The following RNF144A variants were observed in gnomAD, a reference collection of about 807,000 sequenced individuals.
RNF144A encodes the protein ring finger protein 144A, also known as E3 ubiquitin-protein ligase RNF144A.
In RNF144A, 11 loss-of-function variants were observed where a neutral mutation model predicts 38.7. The observed-to-expected ratio is 0.28, with a 90% CI of 0.18 to 0.47. RNF144A has a LOEUF of 0.47. Among genes scored for constraint, RNF144A ranks in the 20% least tolerant of loss-of-function variants. The probability of loss-of-function intolerance (pLI) is 0.99; values close to 1 mark genes in which losing one functional copy is unlikely to be tolerated. For missense variants in RNF144A, 316 were observed against 377.2 expected (o/e 0.84, Z 1.34); for synonymous variants, 149 against 143.9 (o/e 1.04, Z -0.25).
chr2:6,938,325 G>A (rs1354589977), intron 1 of RNF144A, among the ~76,000 whole-genome samples: 1 of 139,474 alleles, frequency 7.2e-6, no homozygotes, highest in East Asian at 2.2e-4. Flanking sequence ...TTGGCTCACT[G>A]CAACCTCTGC....
chr2:6,997,182 T>TTGAG, intron 3 of RNF144A, 121 bp downstream of exon 3: 1 of 895,912 alleles, frequency 1.1e-6, no homozygotes, highest in Non-Finnish European at 1.8e-6. Context: ...AGTCTTCTTG[T>TTGAG]TGAGGCCTTC....
chr2:6,932,764 A>G (rs1410860924), intron 1 of RNF144A, among the ~76,000 whole-genome samples: 2 of 152,232 alleles, frequency 1.3e-5, no homozygotes, highest in Non-Finnish European at 2.9e-5. Flanking sequence ...TTTTATCACA[A>G]TAAGAGAATT....
intron 1 of RNF144A, among the ~76,000 whole-genome samples, chr2:6,936,795 G>A (rs1341945507): frequency 1.3e-5 from 2 of 151,500 alleles, no homozygotes; most frequent in African/African-American, 4.9e-5. Flanking sequence ...GAAATGAGAA[G>A]CCTCATCCTA....
At chr2:6,971,344 G>C (rs1251501951) in intron 2 of RNF144A, among the ~76,000 whole-genome samples, 3 of 152,172 alleles carry the variant, frequency 2.0e-5, no homozygotes, top group Non-Finnish European at 4.4e-5. Flanking sequence ...CCAGGGTGTG[G>C]GGTCCCAGTG....
At chr2:6,923,826 C>G (rs544834583) in intron 1 of RNF144A, among the ~76,000 whole-genome samples, 1 of 151,124 alleles carries the variant, frequency 6.6e-6, no homozygotes, top group South Asian at 2.1e-4. Flanking sequence ...CCTGTAGTTG[C>G]GTTTAAAACT....
At chr2:6,928,796 T>C (rs720388) in intron 1 of RNF144A, among the ~76,000 whole-genome samples, 125,307 of 152,190 alleles carry the variant, frequency 0.82, 52,584 homozygotes, top group Non-Finnish European at 0.92. Context: ...AGGGCTTCCC[T>C]GTGAACTTCC....
downstream of RNF144A, among the ~76,000 whole-genome samples, chr2:7,070,156 T>TTCTCTCTC (rs143933026): frequency 2.5e-4 from 38 of 151,402 alleles, no homozygotes; most frequent in East Asian, 3.1e-3. Flanking sequence ...GGAGCTTTTC[T>TTCTCTCTC]TCTCTCTCTC....
At chr2:7,015,561 A>C (rs1266356900) in intron 5 of RNF144A, among the ~76,000 whole-genome samples, 1 of 152,246 alleles carries the variant, frequency 6.6e-6, no homozygotes, top group East Asian at 1.9e-4. Context: ...ATTGCAAAGC[A>C]TTAAGCCATG....
chr2:6,973,837 G>A (rs890252075), intron 2 of RNF144A, among the ~76,000 whole-genome samples: 59 of 152,218 alleles, frequency 3.9e-4, no homozygotes, highest in African/African-American at 1.2e-3. Flanking sequence ...CTTACGTGCC[G>A]TCTCTGGCTG....
At chr2:6,931,226 G>A (rs1409866396) in intron 1 of RNF144A, among the ~76,000 whole-genome samples, 2 of 152,218 alleles carry the variant, frequency 1.3e-5, no homozygotes, top group Non-Finnish European at 2.9e-5. Context: ...AAGACTTCAG[G>A]CCCCACTGGA....
intron 1 of RNF144A, among the ~76,000 whole-genome samples, chr2:6,937,806 A>G (rs1451275820): frequency 6.6e-6 from 1 of 152,124 alleles, no homozygotes; most frequent in Non-Finnish European, 1.5e-5. Flanking sequence ...TAAAGGCTTT[A>G]GCTTGAGCAG....
At chr2:6,989,075 G>A (rs1282735252) in intron 2 of RNF144A, among the ~76,000 whole-genome samples, 2 of 152,172 alleles carry the variant, frequency 1.3e-5, no homozygotes, top group Admixed American at 6.5e-5. Flanking sequence ...GGAACATTGT[G>A]TTAGAATCAA....
intron 1 of RNF144A, among the ~76,000 whole-genome samples, chr2:6,919,629 C>T (rs537217636): frequency 2.0e-5 from 3 of 152,048 alleles, no homozygotes; most frequent in Admixed American, 6.5e-5. Context: ...CTGTGGCTTC[C>T]GAGTCAGACC....
Position 7,050,332 on chromosome 2 carries a change from C to T in RNF144A, c.735-17884C>T, listed in dbSNP as rs1026759076. ...CCCCTACGCAAGCTCTCTTGCCTGC[C>T]GCCAAGTAAGACATGACTTTGCTCC... On this transcript the variant is annotated intron_variant, in intron 6 of 6. Transcript: ENST00000432850. 4.5e-4 allele frequency among the ~76,000 whole-genome samples: 69 copies of T among 152,206 alleles called. 2 individuals carry two copies. Among genetic ancestry groups the T allele is most frequent in the Admixed American group, 3.3e-3 (51 of 15,278 alleles).
At chr2:6,960,298 T>C (rs2103328318) in intron 2 of RNF144A, among the ~76,000 whole-genome samples, 1 of 152,294 alleles carries the variant, frequency 6.6e-6, no homozygotes, top group East Asian at 1.9e-4. Context: ...ACCTTTGAGG[T>C]TCCCAGATCA....
At chr2:6,939,252 A>G (rs1081492) in intron 1 of RNF144A, among the ~76,000 whole-genome samples, 27,752 of 152,168 alleles carry the variant, frequency 0.18, 3,162 homozygotes, top group Non-Finnish European at 0.24. Context: ...ACTTGTTATT[A>G]TCTGTCCTTC....
intron 1 of RNF144A, among the ~76,000 whole-genome samples, chr2:6,937,549 G>GA (rs1038698395): frequency 3.4e-4 from 52 of 152,334 alleles, no homozygotes; most frequent in African/African-American, 1.2e-3. Context: ...TCTTACCTGG[G>GA]AAAAATGGCA....
At chr2:6,920,687 A>G (rs1164907113) in intron 1 of RNF144A, among the ~76,000 whole-genome samples, 2 of 152,248 alleles carry the variant, frequency 1.3e-5, no homozygotes, top group Non-Finnish European at 2.9e-5. Flanking sequence ...AGATCGAAGA[A>G]TGAAGTTGGA....
At chr2:6,935,147 C>T (rs1276773327) in intron 1 of RNF144A, among the ~76,000 whole-genome samples, 7 of 152,182 alleles carry the variant, frequency 4.6e-5, no homozygotes, top group Non-Finnish European at 8.8e-5. Flanking sequence ...TTTTGTCCTC[C>T]TCCGCATTCA....
Sources: allele counts gnomAD v4.1 joint callset (sites outside exome capture counted in the v4.1 genomes callset), GRCh38; gene constraint gnomAD v4.1.1; transcripts MANE v1.5; gene names NCBI Gene and HGNC (gene_info 2026-07-23, HGNC 2026-07-21).